Variants in CUBN observed in about 807,000 individuals in gnomAD.
CUBN encodes the protein cubilin.
A neutral mutation model predicts 405.3 loss-of-function variants in CUBN; 282 were observed. The observed-to-expected ratio is 0.70, with a 90% CI of 0.63 to 0.77. The LOEUF (loss-of-function observed/expected upper bound fraction) is 0.77, where lower values mean the gene tolerates loss of function less well. Among genes scored for constraint, CUBN ranks in the 30% least tolerant of loss-of-function variants. The pLI is 0.00. For missense variants in CUBN, 4,514 were observed against 4,475.2 expected, an observed-to-expected ratio of 1.01 and a Z score of -0.25; for synonymous variants, 1,684 against 1,617.0, an observed-to-expected ratio of 1.04 and a Z score of -0.99.
intron 48 of CUBN, among the ~76,000 whole-genome samples, chr10:16,909,050 T>C (rs1358961146): frequency 4.0e-5 from 6 of 149,280 alleles, no homozygotes; most frequent in African/African-American, 1.5e-4. Context: ...GCCCGGCTAA[T>C]TTTTTTTTGT....
rs563089365 is a variant in CUBN at position 16,990,478 on chromosome 10, G to A, written c.4206C>T (p.Phe1402=). 3.0e-5 allele frequency: 49 copies of A among 1,614,194 alleles called. 1 individual carries two copies. The highest frequency in any genetic ancestry group is 2.9e-4 in the South Asian group (26 of 91,084). The change falls in exon 29 of 67, where the codon TTC becomes TTT. Residue 1402 remains phenylalanine, a synonymous_variant. Transcript: ENST00000377833. The stretch of plus-strand genomic sequence containing the variant: ...ACCTGTTGGGGAACCCGGGGCTGCT[G>A]AAGGAGCCTGTGGCCCCAGACAGCT... The part of the protein sequence containing the change: ...GGELSGATGS[F]SSPGFPNRYP...
At chr10:17,099,716 G>C (rs989458843) in intron 14 of CUBN, among the ~76,000 whole-genome samples, 6 of 152,052 alleles carry the variant, frequency 3.9e-5, no homozygotes, top group African/African-American at 1.4e-4. Context: ...GCCTGGAGTG[G>C]TGGTGCACAC....
intron 56 of CUBN, among the ~76,000 whole-genome samples, chr10:16,878,832 G>C (rs1433388008): frequency 6.6e-6 from 1 of 152,142 alleles, no homozygotes; most frequent in Non-Finnish European, 1.5e-5. Flanking sequence ...ACCTTTTGTG[G>C]CTGGCTTCTT....
rs148441147 is a variant in CUBN, at chr10:17,009,636, T to C, written c.4168+10197A>G. 4.6e-3 allele frequency among the ~76,000 whole-genome samples: 700 copies of C among 152,316 alleles called. 18 individuals carry two copies. Among genetic ancestry groups the C allele is most frequent in the Admixed American group, 0.037 (566 of 15,306 alleles). On this transcript the variant is annotated intron_variant, in intron 28 of 66. Transcript: ENST00000377833. ...CATCCTGACTGTACGGATGAATCAC[T>C]TAAGGAGCATTTAGAAATTAGCAAT...
intron 11 of CUBN, among the ~76,000 whole-genome samples, 181 bp from the exon 12 acceptor site, chr10:17,104,786 T>C (rs923505177): frequency 2.1e-5 from 3 of 144,286 alleles, no homozygotes; most frequent in African/African-American, 7.5e-5. Flanking sequence ...ATGTAATAAT[T>C]ATATATGTAT....
Position 17,091,381 on chromosome 10 carries a change from G to C in CUBN, c.1766-3036C>G, listed in dbSNP as rs750992959. 2.3e-5 allele frequency among the ~76,000 whole-genome samples: 3 copies of C among 128,626 alleles called. No homozygotes were observed. The East Asian group carries it at 6.9e-4, about 30-fold the overall frequency. The allele number at this position is 128,626 out of a possible 152,430, so 84.4% of individuals were successfully genotyped here. Reference sequence around the variant, plus strand: ...ATTTTGAAGAATGCTAAGGAACCAAGTTATTAATTTGAATACTTTTTAAAA... The same window carrying C: ...ATTTTGAAGAATGCTAAGGAACCAACTTATTAATTTGAATACTTTTTAAAA... On this transcript the variant is annotated intron_variant, in intron 14 of 66. Transcript: ENST00000377833.
intron 32 of CUBN, among the ~76,000 whole-genome samples, chr10:16,953,484 G>C (rs4747290): frequency 6.6e-6 from 1 of 151,894 alleles, no homozygotes; most frequent in African/African-American, 2.4e-5. Context: ...AATGTTCTGA[G>C]TCATCTGAAT....
intron 28 of CUBN, among the ~76,000 whole-genome samples, chr10:17,015,838 A>G (rs1278044433): frequency 1.3e-5 from 2 of 152,082 alleles, no homozygotes; most frequent in Non-Finnish European, 2.9e-5. Flanking sequence ...CACACTGATA[A>G]CAAGCCCTCC....
At chr10:17,016,235 G>A (rs11528679) in intron 28 of CUBN, among the ~76,000 whole-genome samples, 38,777 of 151,182 alleles carry the variant, frequency 0.26, 5,660 homozygotes, top group East Asian at 0.41. Flanking sequence ...ATAATTCATG[G>A]GCTTTTTCCT....
At chr10:17,079,690 C>CTTA (rs952002596) in intron 17 of CUBN, among the ~76,000 whole-genome samples, 1 of 152,098 alleles carries the variant, frequency 6.6e-6, no homozygotes, top group African/African-American at 2.4e-5. Flanking sequence ...TGCTCCAGGC[C>CTTA]TTATTCTTTT....
chr10:16,974,284 T>C (rs931889721), intron 31 of CUBN, among the ~76,000 whole-genome samples: 1 of 152,186 alleles, frequency 6.6e-6, no homozygotes, highest in Non-Finnish European at 1.5e-5. Context: ...ATATTAGAGC[T>C]AGATTTCTTA....
intron 64 of CUBN, among the ~76,000 whole-genome samples, chr10:16,833,370 C>A (rs1272345417): frequency 6.6e-6 from 1 of 152,154 alleles, no homozygotes; most frequent in Non-Finnish European, 1.5e-5. Flanking sequence ...GGTCTCCTGT[C>A]GTGGCGAGTA....
chr10:16,946,776 T>G (rs1817924293), intron 36 of CUBN, among the ~76,000 whole-genome samples: 1 of 152,154 alleles, frequency 6.6e-6, no homozygotes. Context: ...ATTACAGGCA[T>G]GAGCCACTAC....
At chr10:17,014,681 G>A (rs117371561) in intron 28 of CUBN, among the ~76,000 whole-genome samples, 1,986 of 152,254 alleles carry the variant, frequency 0.013, 14 homozygotes, top group Non-Finnish European at 0.022. Context: ...ATCTAGAGTC[G>A]CCTGCTGGGA....
chr10:16,963,187 C>CTTTCT (rs1843284567), intron 31 of CUBN, among the ~76,000 whole-genome samples: 5 of 84,352 alleles, frequency 5.9e-5, no homozygotes, highest in Non-Finnish European at 1.1e-4. Context: ...CTTTTCTTTT[C>CTTTCT]TTTTTTTTCT....
At chr10:17,116,289 C>T (rs1173697417) in intron 6 of CUBN, among the ~76,000 whole-genome samples, 1 of 152,170 alleles carries the variant, frequency 6.6e-6, no homozygotes, top group Non-Finnish European at 1.5e-5. Context: ...TTGTTTTAAG[C>T]CCTTGTCATT....
At chr10:16,898,745 T>C (rs892307285) in intron 54 of CUBN, among the ~76,000 whole-genome samples, 13 of 152,166 alleles carry the variant, frequency 8.5e-5, no homozygotes, top group African/African-American at 2.9e-4. Flanking sequence ...TTTTGTGGCA[T>C]GCTTTAAATT....
chr10:16,848,207 A>T (rs1282767157), intron 60 of CUBN, among the ~76,000 whole-genome samples: 2 of 152,232 alleles, frequency 1.3e-5, no homozygotes, highest in Non-Finnish European at 2.9e-5. Context: ...GACATTATCA[A>T]ATCACACTCC....
Position 16,851,317 on chromosome 10 carries a change from T to A in CUBN, c.9581A>T (p.Asn3194Ile), listed in dbSNP as rs140316361. Residue 3194 changes from asparagine to isoleucine, a missense_variant, in exon 60 of 67, where the codon AAC becomes ATC. This residue lies in a region of CUBN where 1,186 missense variants were observed against 1,186.9 expected (regional missense o/e 1.00). Coordinates refer to ENST00000377833, the MANE Select transcript of CUBN (RefSeq NM_001081.4). ...NCVWIIIAPVNKVIHLTFNTF... is the reference protein window; with the variant it reads ...NCVWIIIAPVIKVIHLTFNTF... The stretch of plus-strand genomic sequence containing the variant: ...ATTGAAGGTGAGGTGAATTACTTTG[T>A]TTACAGGTGCAATTATGATCCATAC... The A allele has an allele frequency of 3.1e-6, 5 of 1,614,134 alleles. No individual in the cohort carries two copies. The highest frequency in any genetic ancestry group is 4.2e-6 in the Non-Finnish European group (5 of 1,179,984).
Sources: allele counts gnomAD v4.1 joint callset (sites outside exome capture counted in the v4.1 genomes callset), GRCh38; gene constraint gnomAD v4.1.1; regional missense constraint gnomAD v4.1.1; transcripts MANE v1.5; gene names NCBI Gene and HGNC (gene_info 2026-07-23, HGNC 2026-07-21).